The following MYT1L variants were observed in gnomAD, a reference collection of about 807,000 sequenced individuals.
The protein encoded by MYT1L is myelin transcription factor 1 like.
A neutral mutation model predicts 126.7 loss-of-function variants in MYT1L; 12 were observed. That is an observed-to-expected ratio of 0.09 (90% CI 0.06 to 0.15). MYT1L has a LOEUF of 0.15. Ranked by LOEUF, MYT1L falls within the 10% of genes least tolerant of loss-of-function variation. MYT1L has a pLI of 1.00. For synonymous variants in MYT1L, 541 were observed against 604.2 expected (o/e 0.90, Z 1.53); for missense variants, 979 against 1,585.2 (o/e 0.62, Z 6.49).
At chr2:2,184,697 G>A (rs1449703521) in intron 2 of MYT1L, among the ~76,000 whole-genome samples, 1 of 152,156 alleles carries the variant, frequency 6.6e-6, no homozygotes, top group Non-Finnish European at 1.5e-5. Flanking sequence ...TGGGCTGGCG[G>A]CCTCTCCAGC....
At chr2:2,309,463 C>T (rs2095919573) in intron 1 of MYT1L, among the ~76,000 whole-genome samples, 1 of 151,806 alleles carries the variant, frequency 6.6e-6, no homozygotes, top group African/African-American at 2.4e-5. Context: ...TAGACTCCAC[C>T]TACACTTTAC....
chr2:1,853,179 C>T (rs972314312), intron 18 of MYT1L, among the ~76,000 whole-genome samples: 13 of 152,164 alleles, frequency 8.5e-5, no homozygotes, highest in South Asian at 6.2e-4. Flanking sequence ...AATTTATGAC[C>T]TGCTCCCGGG....
intron 4 of MYT1L, among the ~76,000 whole-genome samples, chr2:2,026,737 G>A (rs529714353): frequency 1.3e-3 from 199 of 152,182 alleles, no homozygotes; most frequent in East Asian, 9.7e-4. Context: ...GGCGGGGCCC[G>A]CTCCTCAGAG....
At chr2:1,909,332 G>A (rs967638800) in intron 13 of MYT1L, among the ~76,000 whole-genome samples, 1 of 152,134 alleles carries the variant, frequency 6.6e-6, no homozygotes, top group African/African-American at 2.4e-5. Flanking sequence ...AGTAAAAGCA[G>A]GAAACAGCCT....
rs1464514775 is a variant in MYT1L at position 1,887,369 on chromosome 2, T to A, written c.2642+119A>T. On this transcript the variant is annotated intron_variant, in intron 17 of 24. Coordinates refer to ENST00000647738, the MANE Select transcript of MYT1L (RefSeq NM_001303052.2). The surrounding 1 kb of genome is among the most constrained non-coding windows in gnomAD (Gnocchi z 4.8). ...TACTGACCCAGCAGTCGGAAACATT[T>A]ATATGCTGCGAATGTCGCATGCTCA... 1 of 1,352,572 alleles carries A rather than the reference T, an allele frequency of 7.4e-7. No homozygotes were observed. The highest frequency in any genetic ancestry group is 1.0e-6 in the Non-Finnish European group (1 of 964,330). The allele number at this position is 1,352,572 out of a possible 1,614,324, so 83.8% of individuals were successfully genotyped here.
At chr2:2,262,364 AAAAC>A (rs900740084) in intron 2 of MYT1L, among the ~76,000 whole-genome samples, 94 of 152,158 alleles carry the variant, frequency 6.2e-4, no homozygotes, top group Admixed American at 3.2e-3. Flanking sequence ...ACTCCGTCTC[AAAAC>A]AAACAAACAA....
intron 3 of MYT1L, among the ~76,000 whole-genome samples, chr2:2,134,242 C>T (rs959030001): frequency 5.9e-5 from 9 of 152,180 alleles, no homozygotes; most frequent in Non-Finnish European, 1.0e-4. Flanking sequence ...TTTCTTACAT[C>T]TCCCTACCAC....
chr2:1,845,243 G>A, intron 19 of MYT1L, among the ~76,000 whole-genome samples: 1 of 151,930 alleles, frequency 6.6e-6, no homozygotes, highest in East Asian at 1.9e-4. Flanking sequence ...CACAGTGCTG[G>A]GATTACAGGC....
At chr2:2,268,921 G>C (rs2095200877) in intron 2 of MYT1L, among the ~76,000 whole-genome samples, 1 of 152,168 alleles carries the variant, frequency 6.6e-6, no homozygotes, top group African/African-American at 2.4e-5. Context: ...AAGGCAAATA[G>C]AAATGCCACT....
chr2:2,199,236 AAAAC>A (rs2092953691), intron 2 of MYT1L, among the ~76,000 whole-genome samples: 1 of 152,246 alleles, frequency 6.6e-6, no homozygotes, highest in South Asian at 2.1e-4. Context: ...TTTGCTTTGA[AAAAC>A]AAACATTCTT....
At chr2:2,049,512 T>G (rs933175572) in intron 4 of MYT1L, among the ~76,000 whole-genome samples, 8 of 152,222 alleles carry the variant, frequency 5.3e-5, no homozygotes, top group Admixed American at 5.2e-4. Flanking sequence ...ACAAATTATT[T>G]AACTTCTCTG....
chr2:2,290,054 T>C (rs1573219900), intron 1 of MYT1L, among the ~76,000 whole-genome samples: 2 of 152,216 alleles, frequency 1.3e-5, no homozygotes, highest in African/African-American at 2.4e-5. Flanking sequence ...GACACTGGCC[T>C]TGGCAACTCA....
intron 19 of MYT1L, 44 bp downstream of exon 19, chr2:1,851,597 G>A: frequency 6.4e-7 from 1 of 1,569,476 alleles, no homozygotes; most frequent in Non-Finnish European, 8.8e-7. Context: ...TGCCATTTCA[G>A]TGAGAAAGAG....
chr2:2,181,990 C>G (rs1391067253), intron 2 of MYT1L, among the ~76,000 whole-genome samples: 1 of 152,136 alleles, frequency 6.6e-6, no homozygotes, highest in Non-Finnish European at 1.5e-5. Context: ...CCAGGCTGGA[C>G]ATTGACAAGT....
chr2:1,838,971 G>A (rs1489004082), intron 21 of MYT1L, among the ~76,000 whole-genome samples, 178 bp downstream of exon 21: 1 of 152,220 alleles, frequency 6.6e-6, no homozygotes, highest in Non-Finnish European at 1.5e-5. Context: ...AGTTTAAGAT[G>A]TTTCAACACT....
intron 18 of MYT1L, among the ~76,000 whole-genome samples, chr2:1,857,729 C>G (rs10179681): frequency 0.027 from 4,139 of 152,170 alleles, 74 homozygotes; most frequent in African/African-American, 0.043. Flanking sequence ...CGTGAATAAG[C>G]CTTTGCCCCA....
intron 18 of MYT1L, among the ~76,000 whole-genome samples, chr2:1,880,942 G>A (rs557815711): frequency 3.7e-4 from 57 of 152,330 alleles, no homozygotes; most frequent in South Asian, 6.2e-4. Flanking sequence ...CCTGCACTGC[G>A]TTTCAAATAT....
At chr2:1,838,389 T>G (rs911407615) in intron 21 of MYT1L, among the ~76,000 whole-genome samples, 4 of 152,210 alleles carry the variant, frequency 2.6e-5, no homozygotes, top group African/African-American at 9.6e-5. Context: ...TGAGATGGAT[T>G]TGAGGCGCAG....
chr2:1,956,582 AT>A (rs1558533994), intron 8 of MYT1L, among the ~76,000 whole-genome samples: 1 of 101,626 alleles, frequency 9.8e-6, no homozygotes, highest in African/African-American at 4.4e-5. Context: ...TATTCTATCT[AT>A]CTATCTATCT....
Sources: allele counts gnomAD v4.1 joint callset (sites outside exome capture counted in the v4.1 genomes callset), GRCh38; gene constraint gnomAD v4.1.1; non-coding constraint Gnocchi (gnomAD v3.1); transcripts MANE v1.5; gene names NCBI Gene and HGNC (gene_info 2026-07-23, HGNC 2026-07-21).